The following DHRSX variants were observed in gnomAD, a reference collection of about 807,000 sequenced individuals.
The protein encoded by DHRSX is dehydrogenase/reductase X-linked.
Under a neutral mutation model 34.0 loss-of-function variants are expected in DHRSX, and 31 were observed. The ratio of observed to expected loss-of-function variants is 0.91; its 90% CI spans 0.69 to 1.23. The LOEUF (loss-of-function observed/expected upper bound fraction) is 1.23. Among genes scored for constraint, DHRSX ranks in the 50% most tolerant of loss-of-function variants. The pLI, the probability that DHRSX is intolerant of heterozygous loss-of-function variation, is 0.00. For synonymous variants in DHRSX, 201 were observed against 183.8 expected, an observed-to-expected ratio of 1.09 and a Z score of -0.76; for missense variants, 414 against 428.1, an observed-to-expected ratio of 0.97 and a Z score of 0.29.
chrX:2,221,262 T>A (rs750563653), intron 6 of DHRSX, 33 bp from the exon 7 acceptor site: 1 of 1,599,234 alleles, frequency 6.3e-7, no homozygotes, highest in East Asian at 2.2e-5. Flanking sequence ...CTACGATGAG[T>A]CAAATTTCTG....
chrX:2,452,564 G>A (rs2044238629), intron 1 of DHRSX, among the ~76,000 whole-genome samples: 1 of 151,568 alleles, frequency 6.6e-6, no homozygotes, highest in African/African-American at 2.4e-5. Flanking sequence ...AGACCACCAT[G>A]TACACACTGA....
At chrX:2,445,694 G>A (rs2044122563) in intron 1 of DHRSX, among the ~76,000 whole-genome samples, 1 of 151,982 alleles carries the variant, frequency 6.6e-6, no homozygotes, top group Admixed American at 6.6e-5. Context: ...TGTGGCCAAG[G>A]GACCACCCTG....
intron 4 of DHRSX, among the ~76,000 whole-genome samples, chrX:2,290,152 C>T (rs745733202): frequency 6.6e-6 from 1 of 152,204 alleles, no homozygotes; most frequent in South Asian, 2.1e-4. Context: ...GTTTTATATC[C>T]CATGCTTCTC....
chrX:2,270,531 C>T (rs900452120), intron 4 of DHRSX, among the ~76,000 whole-genome samples: 1 of 152,150 alleles, frequency 6.6e-6, no homozygotes, highest in African/African-American at 2.4e-5. Context: ...CCCCATTGCG[C>T]GGAGGGCCCA....
chrX:2,241,810 A>G (rs113636072), intron 6 of DHRSX, among the ~76,000 whole-genome samples: 12,031 of 152,148 alleles, frequency 0.079, 669 homozygotes, highest in Non-Finnish European at 0.13. Context: ...CGGGAAGCTG[A>G]GGCAGGAGAA....
chrX:2,360,302 G>T (rs950123734), intron 3 of DHRSX, among the ~76,000 whole-genome samples: 4 of 152,052 alleles, frequency 2.6e-5, no homozygotes, highest in Admixed American at 1.3e-4. Flanking sequence ...GGTTATAATG[G>T]GGCCAGGCGT....
intron 2 of DHRSX, 37 bp downstream of exon 2, chrX:2,425,160 A>C (rs773140673): frequency 3.8e-5 from 58 of 1,541,614 alleles, no homozygotes; most frequent in Non-Finnish European, 5.1e-5. Flanking sequence ...AAAAAACCGA[A>C]AAAACAAAAA....
intron 6 of DHRSX, among the ~76,000 whole-genome samples, chrX:2,224,699 TAC>T (rs1473680593): frequency 3.3e-5 from 5 of 151,920 alleles, no homozygotes; most frequent in South Asian, 2.1e-4. Flanking sequence ...CAAATATATA[TAC>T]ACATATGGAC....
intron 5 of DHRSX, among the ~76,000 whole-genome samples, chrX:2,250,419 G>C (rs1380495268): frequency 3.3e-5 from 5 of 152,104 alleles, no homozygotes; most frequent in East Asian, 1.9e-4. Flanking sequence ...CATCCCGAGA[G>C]CTGCTGGTGG....
At chrX:2,284,076 GAATT>G (rs1446207417) in intron 4 of DHRSX, among the ~76,000 whole-genome samples, 3 of 150,940 alleles carry the variant, frequency 2.0e-5, no homozygotes, top group African/African-American at 7.3e-5. Context: ...TCATTCATTT[GAATT>G]CATTCCTTCA....
At chrX:2,310,192 T>C (rs1315510708) in intron 3 of DHRSX, among the ~76,000 whole-genome samples, 1 of 152,060 alleles carries the variant, frequency 6.6e-6, no homozygotes. Context: ...GCCCAGTTCT[T>C]GGAGCCAAGA....
At chrX:2,410,727 A>C (rs2043616398) in intron 2 of DHRSX, among the ~76,000 whole-genome samples, 2 of 152,328 alleles carry the variant, frequency 1.3e-5, no homozygotes, top group South Asian at 4.1e-4. Context: ...GAGTGAAAAA[A>C]TATATAAAAG....
intron 3 of DHRSX, among the ~76,000 whole-genome samples, chrX:2,335,416 A>C (rs927279770): frequency 6.6e-6 from 1 of 151,366 alleles, no homozygotes; most frequent in Admixed American, 6.6e-5. Context: ...ATAGGTGGAT[A>C]AGAGACAAAT....
intron 1 of DHRSX, among the ~76,000 whole-genome samples, chrX:2,458,725 C>T (rs771796927): frequency 2.6e-4 from 40 of 151,974 alleles, no homozygotes; most frequent in Non-Finnish European, 4.7e-4. Context: ...AGGCCAGGAG[C>T]GGTGGCTCAT....
At chrX:2,407,195 G>A (rs1264308254) in intron 3 of DHRSX, among the ~76,000 whole-genome samples, 6 of 152,156 alleles carry the variant, frequency 3.9e-5, no homozygotes, top group African/African-American at 7.2e-5. Flanking sequence ...TTCTTAGGTC[G>A]AGTCCAATTT....
intron 5 of DHRSX, among the ~76,000 whole-genome samples, chrX:2,253,059 A>C (rs1394795684): frequency 3.3e-5 from 5 of 152,226 alleles, no homozygotes; most frequent in Admixed American, 3.3e-4. Flanking sequence ...GGTAAAGCAC[A>C]CCTGTAGTCC....
At chrX:2,361,502 T>G (rs893913277) in intron 3 of DHRSX, among the ~76,000 whole-genome samples, 2 of 152,212 alleles carry the variant, frequency 1.3e-5, no homozygotes, top group African/African-American at 4.8e-5. Context: ...TACCAAGGTC[T>G]TATAAAGACC....
At chrX:2,254,642 T>C (rs972739062) in intron 5 of DHRSX, among the ~76,000 whole-genome samples, 1 of 151,654 alleles carries the variant, frequency 6.6e-6, no homozygotes, top group Admixed American at 6.6e-5. Context: ...TAAAGAGAGG[T>C]TTTTTTTGTT....
chrX:2,425,971 T>C (rs1330693562), intron 1 of DHRSX, among the ~76,000 whole-genome samples: 1 of 152,142 alleles, frequency 6.6e-6, no homozygotes, highest in East Asian at 1.9e-4. Context: ...CCTGACTCTC[T>C]GGTACCTGGC....
Sources: gnomAD v4.1 joint callset for allele counts (sites outside exome capture counted in the v4.1 genomes callset) on GRCh38, gnomAD v4.1.1 for gene constraint, MANE v1.5 for transcripts, NCBI Gene and HGNC (gene_info 2026-07-23, HGNC 2026-07-21) for gene names.